ST8SIA1: variants seen among roughly 807,000 people sequenced by gnomAD.
ST8SIA1 encodes ST8 alpha-N-acetyl-neuraminide alpha-2,8-sialyltransferase 1.
ST8SIA1 carries 16 observed loss-of-function variants against 35.9 expected under a neutral mutation model. The ratio of observed to expected loss-of-function variants is 0.45; its 90% CI spans 0.30 to 0.68. The LOEUF (loss-of-function observed/expected upper bound fraction) is 0.68. Among genes scored for constraint, ST8SIA1 ranks in the 30% least tolerant of loss-of-function variants. ST8SIA1 has a pLI of 0.09. For synonymous variants in ST8SIA1, 170 were observed against 169.6 expected, an observed-to-expected ratio of 1.00 and a Z score of -0.02; for missense variants, 383 against 453.6, an observed-to-expected ratio of 0.84 and a Z score of 1.41.
At position 22,200,863 on chromosome 12, in the gene ST8SIA1, G is replaced by C. The variant is rs1353558904; in HGVS notation, c.*689C>G. ...TGGCTCCTGTTATCCAGACTATGAA[G>C]CAACACAGTCTAAATTCAATAATGC... On this transcript the variant is annotated 3_prime_UTR_variant, in exon 5 of 5. Coordinates refer to ENST00000396037, the MANE Select transcript of ST8SIA1 (RefSeq NM_003034.4). 6.6e-6 allele frequency: 1 copy of C among 152,048 alleles called. No individual in the cohort carries two copies. Among genetic ancestry groups the C allele is most frequent in the Non-Finnish European group, 1.5e-5 (1 of 68,018 alleles). The allele number at this position is 152,048 out of a possible 1,614,324, so 9.4% of individuals were successfully genotyped here.
chr12:22,234,663 A>C (rs868656843), intron 4 of ST8SIA1, among the ~76,000 whole-genome samples: 1 of 152,216 alleles, frequency 6.6e-6, no homozygotes, highest in Non-Finnish European at 1.5e-5. Flanking sequence ...TTAAATGCCA[A>C]TCAAACTCAA....
intron 1 of ST8SIA1, among the ~76,000 whole-genome samples, chr12:22,298,859 A>T (rs1275902800): frequency 6.6e-6 from 1 of 152,168 alleles, no homozygotes; most frequent in Admixed American, 6.5e-5. Flanking sequence ...GTATTGAGAG[A>T]CTTGAAAGCA....
chr12:22,324,779 A>G (rs1352700475), intron 1 of ST8SIA1: 2 of 118,802 alleles, frequency 1.7e-5, no homozygotes, highest in Non-Finnish European at 3.6e-5. Flanking sequence ...TGAAGAAATC[A>G]TTAAAGAAAA....
At chr12:22,237,813 AT>A in intron 4 of ST8SIA1, among the ~76,000 whole-genome samples, 1 of 152,078 alleles carries the variant, frequency 6.6e-6, no homozygotes, top group Middle Eastern at 3.4e-3. Context: ...TAAAATAATT[AT>A]TATTTATTTA....
chr12:22,238,576 C>T (rs1328813519), intron 4 of ST8SIA1, among the ~76,000 whole-genome samples: 1 of 152,146 alleles, frequency 6.6e-6, no homozygotes, highest in Non-Finnish European at 1.5e-5. Context: ...CCCACAGAAA[C>T]GTGAAAGATA....
chr12:22,279,497 T>A (rs1389634183), intron 2 of ST8SIA1, among the ~76,000 whole-genome samples: 1 of 152,166 alleles, frequency 6.6e-6, no homozygotes, highest in African/African-American at 2.4e-5. Flanking sequence ...AGTCAGAGGC[T>A]CTGGCTTCTT....
rs1865397326 is a variant in ST8SIA1, at chr12:22,229,806, T to C, written c.584+19200A>G. On this transcript the variant is annotated intron_variant, in intron 4 of 4. Coordinates refer to ENST00000396037, the MANE Select transcript of ST8SIA1 (RefSeq NM_003034.4). ...TAAGTGGAGTTGGCCAGTAGACACA[T>C]AGCTGTCTGAAGCACAGAAGAGATT... Among the ~76,000 whole-genome samples the C allele has an allele frequency of 2.0e-5, 3 of 151,978 alleles. No individual in the cohort carries two copies. The South Asian group carries it at 6.2e-4, about 32-fold the overall frequency.
chr12:22,284,816 G>T (rs1042282137), intron 2 of ST8SIA1, among the ~76,000 whole-genome samples: 3 of 152,138 alleles, frequency 2.0e-5, no homozygotes, highest in African/African-American at 7.2e-5. Context: ...TAACCCTATT[G>T]CTGCAACCGA....
intron 1 of ST8SIA1, among the ~76,000 whole-genome samples, chr12:22,330,708 A>G (rs1866751307): frequency 6.6e-6 from 1 of 152,250 alleles, no homozygotes. Flanking sequence ...AATACATACT[A>G]GCATAGTGTC....
At chr12:22,319,945 C>T (rs1462841602) in intron 1 of ST8SIA1, among the ~76,000 whole-genome samples, 4 of 152,088 alleles carry the variant, frequency 2.6e-5, no homozygotes, top group Non-Finnish European at 1.5e-5. Context: ...AAGACATTCA[C>T]GGTAAGCCCC....
At position 22,195,075 on chromosome 12, in the gene ST8SIA1, C is replaced by G. The variant is rs559048375; in HGVS notation, c.*6477G>C. On this transcript the variant is annotated 3_prime_UTR_variant, in exon 5 of 5. Transcript: ENST00000396037. ...GCGCATGCCTGTAATCCCAGCTACTCCAGAGGCTGAGGCACGAGAATCGCT... is the reference window on the plus strand; with the variant it reads ...GCGCATGCCTGTAATCCCAGCTACTGCAGAGGCTGAGGCACGAGAATCGCT... The G allele has an allele frequency of 5.2e-5, 8 of 153,004 alleles. No homozygotes were observed. The East Asian group carries it at 5.7e-4, about 11-fold the overall frequency. 9.5% of individuals were successfully genotyped at this position (153,004 alleles called of 1,614,324 possible).
chr12:22,300,339 G>A (rs1332072637), intron 1 of ST8SIA1, among the ~76,000 whole-genome samples: 2 of 152,120 alleles, frequency 1.3e-5, no homozygotes, highest in Non-Finnish European at 2.9e-5. Flanking sequence ...TGCAGAAGAG[G>A]TGGGTATGTG....
intron 4 of ST8SIA1, among the ~76,000 whole-genome samples, chr12:22,206,762 G>A (rs913573318): frequency 1.3e-5 from 2 of 152,180 alleles, no homozygotes; most frequent in African/African-American, 4.8e-5. Context: ...AGAACACACA[G>A]CCAAGCTCAG....
intron 1 of ST8SIA1, among the ~76,000 whole-genome samples, chr12:22,329,405 C>T (rs1215369979): frequency 6.6e-6 from 1 of 152,060 alleles, no homozygotes; most frequent in Non-Finnish European, 1.5e-5. Context: ...TTTACGTATC[C>T]AGTAAGGGTT....
At chr12:22,321,180 G>A (rs910474264) in intron 1 of ST8SIA1, among the ~76,000 whole-genome samples, 5 of 152,144 alleles carry the variant, frequency 3.3e-5, no homozygotes, top group African/African-American at 4.8e-5. Flanking sequence ...TGGAGAAAGC[G>A]GAAAGGGAGA....
intron 2 of ST8SIA1, among the ~76,000 whole-genome samples, chr12:22,267,051 G>C (rs1865857790): frequency 6.6e-6 from 1 of 152,128 alleles, no homozygotes; most frequent in Non-Finnish European, 1.5e-5. Context: ...TACCAAGCAA[G>C]TTTCAGTTAA....
In ST8SIA1 at chr12:22,196,705, A is replaced by T. The variant is rs1864992994; in HGVS notation, c.*4847T>A. 1 of 152,184 alleles carries T rather than the reference A, an allele frequency of 6.6e-6. No homozygotes were observed. Among genetic ancestry groups the T allele is most frequent in the South Asian group, 2.1e-4 (1 of 4,812 alleles). 9.4% of individuals were successfully genotyped at this position (152,184 alleles called of 1,614,324 possible). Reference sequence around the variant, plus strand: ...CAGACTATCCATATGAATGAGGGGGAAAAGTTCCACTTTAGAATCACTGGC... The same window carrying T: ...CAGACTATCCATATGAATGAGGGGGTAAAGTTCCACTTTAGAATCACTGGC... On this transcript the variant is annotated 3_prime_UTR_variant, in exon 5 of 5. Coordinates refer to ENST00000396037, the MANE Select transcript of ST8SIA1 (RefSeq NM_003034.4).
At chr12:22,287,079 C>T (rs1406752770) in intron 2 of ST8SIA1, 70 bp downstream of exon 2, 2 of 1,456,162 alleles carry the variant, frequency 1.4e-6, no homozygotes, top group Non-Finnish European at 1.9e-6. Flanking sequence ...AAGGCAAACT[C>T]AATTATCCCT....
intron 4 of ST8SIA1, among the ~76,000 whole-genome samples, chr12:22,215,611 A>C (rs894547086): frequency 4.6e-5 from 7 of 151,796 alleles, no homozygotes; most frequent in African/African-American, 1.7e-4. Flanking sequence ...ATCTGTGGGA[A>C]GCATCTCAAA....
Sources: gnomAD v4.1 joint callset for allele counts (sites outside exome capture counted in the v4.1 genomes callset) on GRCh38, gnomAD v4.1.1 for gene constraint, MANE v1.5 for transcripts, NCBI Gene and HGNC (gene_info 2026-07-23, HGNC 2026-07-21) for gene names.